The following GABRB2 variants were observed in gnomAD, a reference collection of about 807,000 sequenced individuals.
The protein encoded by GABRB2 is gamma-aminobutyric acid type A receptor subunit beta2.
A neutral mutation model predicts 54.7 loss-of-function variants in GABRB2; 16 were observed. That is an observed-to-expected ratio of 0.29 (90% confidence interval 0.20 to 0.44). The LOEUF is 0.44. Ranked by LOEUF, GABRB2 falls within the 20% of genes least tolerant of loss-of-function variation. The pLI is 1.00. For synonymous variants in GABRB2, 244 were observed against 233.8 expected, an observed-to-expected ratio of 1.04 and a Z score of -0.40; for missense variants, 355 against 644.0, an observed-to-expected ratio of 0.55 and a Z score of 4.86.
intron 3 of GABRB2, among the ~76,000 whole-genome samples, chr5:161,507,641 C>T (rs1005204073): frequency 6.6e-6 from 1 of 151,898 alleles, no homozygotes. Flanking sequence ...TACACAACTG[C>T]TACAACTCAA....
At chr5:161,334,592 C>T (rs182548440) in intron 7 of GABRB2, among the ~76,000 whole-genome samples, 160 bp downstream of exon 7, 2 of 152,134 alleles carry the variant, frequency 1.3e-5, no homozygotes, top group Non-Finnish European at 2.9e-5. Flanking sequence ...TGATTTAATG[C>T]TGAATCAGAT....
chr5:161,392,891 A>G (rs1755873716), intron 5 of GABRB2, among the ~76,000 whole-genome samples: 1 of 152,152 alleles, frequency 6.6e-6, no homozygotes. Context: ...GTTGACATTT[A>G]TGTGACAGAG....
chr5:161,449,023 A>C (rs1757716691), intron 4 of GABRB2, among the ~76,000 whole-genome samples: 1 of 152,178 alleles, frequency 6.6e-6, no homozygotes, highest in African/African-American at 2.4e-5. Flanking sequence ...GGGGAGATGA[A>C]TGAATACTCA....
At chr5:161,350,605 G>T (rs1754445337) in intron 5 of GABRB2, among the ~76,000 whole-genome samples, 1 of 152,078 alleles carries the variant, frequency 6.6e-6, no homozygotes, top group Non-Finnish European at 1.5e-5. Context: ...TGGATTGAAG[G>T]ATGTTCCTGA....
intron 6 of GABRB2, among the ~76,000 whole-genome samples, chr5:161,335,512 C>G (rs1272257172): frequency 2.0e-5 from 3 of 152,150 alleles, no homozygotes; most frequent in Non-Finnish European, 4.4e-5. Context: ...AAAGAATCAG[C>G]TTCCTAAATC....
intron 5 of GABRB2, among the ~76,000 whole-genome samples, chr5:161,389,950 GATAATA>G (rs928886291): frequency 1.3e-5 from 2 of 151,838 alleles, no homozygotes; most frequent in African/African-American, 4.8e-5. Flanking sequence ...ATAAAATAAA[GATAATA>G]ATAATGATAG....
intron 4 of GABRB2, among the ~76,000 whole-genome samples, chr5:161,441,991 G>C (rs1275849763): frequency 6.6e-6 from 1 of 152,152 alleles, no homozygotes; most frequent in Non-Finnish European, 1.5e-5. Context: ...GGAGGAGGGA[G>C]ATGGGGACGG....
intron 5 of GABRB2, among the ~76,000 whole-genome samples, chr5:161,385,947 G>GTGTGTGTGT: frequency 1.1e-5 from 1 of 93,414 alleles, no homozygotes; most frequent in South Asian, 3.5e-4. Flanking sequence ...CCTATTGTCT[G>GTGTGTGTGT]GTGTGTGTGT....
At chr5:161,354,537 A>G (rs1017994369) in intron 5 of GABRB2, among the ~76,000 whole-genome samples, 1 of 152,010 alleles carries the variant, frequency 6.6e-6, no homozygotes, top group African/African-American at 2.4e-5. Context: ...CCCTCAGCTG[A>G]TATCACAGAC....
At chr5:161,363,076 C>T (rs1754861548) in intron 5 of GABRB2, among the ~76,000 whole-genome samples, 1 of 152,132 alleles carries the variant, frequency 6.6e-6, no homozygotes, top group Non-Finnish European at 1.5e-5. Flanking sequence ...GACACATGCA[C>T]ACGTATGTTA....
chr5:161,535,863 T>C (rs891292692), intron 3 of GABRB2, among the ~76,000 whole-genome samples: 2 of 152,102 alleles, frequency 1.3e-5, no homozygotes, highest in African/African-American at 2.4e-5. Context: ...GCAGAGCTCT[T>C]ATGGGTAGAT....
chr5:161,464,518 G>A (rs537522358), intron 3 of GABRB2, among the ~76,000 whole-genome samples: 1 of 152,226 alleles, frequency 6.6e-6, no homozygotes, highest in South Asian at 2.1e-4. Flanking sequence ...TGTCAGCCAT[G>A]TGGGAAGCAG....
At chr5:161,312,705 G>A (rs951307014) in intron 9 of GABRB2, among the ~76,000 whole-genome samples, 2 of 152,186 alleles carry the variant, frequency 1.3e-5, no homozygotes, top group African/African-American at 2.4e-5. Flanking sequence ...AGTTTTGTGA[G>A]CATCGAGTCG....
At position 161,484,205 on chromosome 5, in the gene GABRB2, C is replaced by G. The variant is rs368167136; in HGVS notation, c.238-24361G>C. 1.8e-4 allele frequency among the ~76,000 whole-genome samples: 27 copies of G among 152,052 alleles called. No individual in the cohort carries two copies. The South Asian group carries it at 5.4e-3, about 30-fold the overall frequency. ...GTGATTATCACATGTACTTTATAAG[C>G]ACTCCCAGATTTAAAACATCAGCAC... On this transcript the variant is annotated intron_variant, in intron 3 of 9. Coordinates refer to ENST00000393959, the MANE Select transcript of GABRB2 (RefSeq NM_001371727.1).
At chr5:161,506,734 A>C (rs1447335734) in intron 3 of GABRB2, among the ~76,000 whole-genome samples, 1 of 152,124 alleles carries the variant, frequency 6.6e-6, no homozygotes, top group African/African-American at 2.4e-5. Flanking sequence ...GTGGTGCTGG[A>C]AAAAGAGACA....
intron 5 of GABRB2, among the ~76,000 whole-genome samples, chr5:161,344,636 G>A (rs191399995): frequency 7.9e-5 from 12 of 152,066 alleles, no homozygotes; most frequent in African/African-American, 2.7e-4. Flanking sequence ...AGACAGTGTG[G>A]CTATTTCTCA....
intron 4 of GABRB2, among the ~76,000 whole-genome samples, chr5:161,437,030 G>A (rs1262042041): frequency 1.3e-5 from 2 of 152,148 alleles, no homozygotes; most frequent in African/African-American, 2.4e-5. Flanking sequence ...AGTACTCTGA[G>A]TCTCCAAGTA....
intron 3 of GABRB2, among the ~76,000 whole-genome samples, chr5:161,478,304 A>G (rs1320836598): frequency 6.6e-6 from 1 of 152,040 alleles, no homozygotes; most frequent in Non-Finnish European, 1.5e-5. Context: ...TTATTTTTAA[A>G]CCTCACCTTG....
intron 3 of GABRB2, among the ~76,000 whole-genome samples, chr5:161,538,357 AC>A (rs1760707993): frequency 6.6e-6 from 1 of 152,206 alleles, no homozygotes; most frequent in Admixed American, 6.5e-5. Flanking sequence ...TAAAATATAA[AC>A]CATTTGAAAT....
Sources: gnomAD v4.1 joint callset for allele counts (sites outside exome capture counted in the v4.1 genomes callset) on GRCh38, gnomAD v4.1.1 for gene constraint, MANE v1.5 for transcripts, NCBI Gene and HGNC (gene_info 2026-07-23, HGNC 2026-07-21) for gene names.